UGGT2: variants seen among roughly 807,000 people sequenced by gnomAD.
UGGT2 encodes the protein UDP-glucose glycoprotein glucosyltransferase 2, also known as UDP-glucose:glycoprotein glucosyltransferase 2.
A neutral mutation model predicts 192.1 loss-of-function variants in UGGT2; 180 were observed. The observed-to-expected ratio is 0.94, with a 90% CI of 0.83 to 1.06. UGGT2 has a LOEUF of 1.06. Ranked by LOEUF, UGGT2 falls within the 50% of genes least tolerant of loss-of-function variation. The pLI is 0.00. For missense variants in UGGT2, 1,849 were observed against 1,795.7 expected (o/e 1.03, Z -0.54); for synonymous variants, 580 against 591.0 (o/e 0.98, Z 0.27).
chr13:95,803,258 T>C (rs564131453), intron 38 of UGGT2, among the ~76,000 whole-genome samples: 80 of 151,806 alleles, frequency 5.3e-4, no homozygotes, highest in African/African-American at 1.9e-3. Flanking sequence ...AGGTTTTTGG[T>C]TTATTTATTT....
At chr13:95,861,577 A>C (rs550088713) in intron 31 of UGGT2, among the ~76,000 whole-genome samples, 1 of 152,300 alleles carries the variant, frequency 6.6e-6, no homozygotes, top group South Asian at 2.1e-4. Context: ...TTCATATATA[A>C]AAATGACTGA....
intron 5 of UGGT2, among the ~76,000 whole-genome samples, chr13:96,008,483 A>G (rs1594562703): frequency 1.3e-5 from 2 of 152,204 alleles, no homozygotes; most frequent in Admixed American, 6.5e-5. Context: ...AGACAATCCC[A>G]TAGTCTCTGC....
intron 4 of UGGT2, 148 bp downstream of exon 4, chr13:96,022,892 C>T: frequency 2.3e-6 from 1 of 440,306 alleles, no homozygotes. Flanking sequence ...ACAAAACATT[C>T]TCAGATATAT....
chr13:95,961,732 G>A (rs1594446604), intron 12 of UGGT2, among the ~76,000 whole-genome samples: 1 of 152,082 alleles, frequency 6.6e-6, no homozygotes. Flanking sequence ...TACATTTGAT[G>A]AAATAGACTT....
rs568965449 is a variant in UGGT2 at position 95,949,531 on chromosome 13, G to A, written c.1336-77C>T. 1.7e-4 allele frequency: 217 copies of A among 1,281,630 alleles called. No homozygotes were observed. In the African/African-American group the frequency reaches 2.6e-3, roughly 16 times the overall value. The allele number at this position is 1,281,630 out of a possible 1,614,324, so 79.4% of individuals were successfully genotyped here. On this transcript the variant is annotated intron_variant, in intron 12 of 38. Transcript: ENST00000376747. ...TTCAAAGCCAGATTTTTACTATATC[G>A]TGATAAATAAAAATATACATAGAAT...
rs1416899724 is a variant in UGGT2 at position 95,986,546 on chromosome 13, A to G, written c.932-114T>C. On this transcript the variant is annotated intron_variant, in intron 8 of 38. Coordinates refer to ENST00000376747, the MANE Select transcript of UGGT2 (RefSeq NM_020121.4). ...TCTTGCCAAGTATTAGTATACAAACATGTTAATACTGTTACATCTGCATTT... is the reference window on the plus strand; with the variant it reads ...TCTTGCCAAGTATTAGTATACAAACGTGTTAATACTGTTACATCTGCATTT... 4.6e-6 allele frequency: 3 copies of G among 656,760 alleles called. No homozygotes were observed. The South Asian group carries it at 6.6e-5, about 14-fold the overall frequency. 40.7% of individuals were successfully genotyped at this position (656,760 alleles called of 1,614,324 possible). A position where few individuals can be genotyped will look rare whatever the true frequency, so the allele number is the denominator to read the frequency against.
chr13:96,029,186 C>G (rs2052756335), intron 2 of UGGT2, among the ~76,000 whole-genome samples: 2 of 152,132 alleles, frequency 1.3e-5, no homozygotes, highest in African/African-American at 2.4e-5. Context: ...CTCATTTGTA[C>G]CATTCTTTTC....
At chr13:95,902,159 C>CA (rs2048121701) in intron 21 of UGGT2, among the ~76,000 whole-genome samples, 1 of 152,108 alleles carries the variant, frequency 6.6e-6, no homozygotes, top group African/African-American at 2.4e-5. Context: ...AATTTATTGT[C>CA]ATTAATCTCA....
At chr13:95,915,930 C>T (rs1178463976) in intron 20 of UGGT2, among the ~76,000 whole-genome samples, 1 of 152,186 alleles carries the variant, frequency 6.6e-6, no homozygotes. Context: ...GTGGGAGAAG[C>T]GGCTACCATC....
At chr13:95,995,987 C>T (rs1208026206) in intron 7 of UGGT2, 76 bp downstream of exon 7, 2 of 1,286,230 alleles carry the variant, frequency 1.6e-6, no homozygotes, top group Non-Finnish European at 2.2e-6. Flanking sequence ...AAGCATATGG[C>T]AAAACAGTAT....
intron 9 of UGGT2, among the ~76,000 whole-genome samples, chr13:95,985,503 C>T (rs1014822935): frequency 2.0e-5 from 3 of 152,020 alleles, no homozygotes; most frequent in Admixed American, 6.6e-5. Context: ...GTGTTTGGGA[C>T]AATAAGAGGC....
chr13:95,974,281 T>C (rs2050868985), intron 10 of UGGT2, among the ~76,000 whole-genome samples: 1 of 152,254 alleles, frequency 6.6e-6, no homozygotes, highest in Non-Finnish European at 1.5e-5. Flanking sequence ...GAAATCCATA[T>C]TCCAACTTCA....
At chr13:96,053,022 T>C (rs2053531506) in intron 1 of UGGT2, 133 bp downstream of exon 1, 1 of 1,243,408 alleles carries the variant, frequency 8.0e-7, no homozygotes, top group Non-Finnish European at 1.0e-6. Context: ...GAGGTGGTGA[T>C]GCTCAGGGCC....
intron 15 of UGGT2, among the ~76,000 whole-genome samples, chr13:95,941,441 G>A (rs2049676941): frequency 6.6e-6 from 1 of 151,864 alleles, no homozygotes; most frequent in Non-Finnish European, 1.5e-5. Context: ...TTCAATTTAG[G>A]GGCAACTTTT....
chr13:95,923,607 G>A (rs970641396), intron 20 of UGGT2, among the ~76,000 whole-genome samples: 1 of 152,026 alleles, frequency 6.6e-6, no homozygotes, highest in Non-Finnish European at 1.5e-5. Context: ...AATAAGATAA[G>A]CTACACATTC....
intron 15 of UGGT2, among the ~76,000 whole-genome samples, chr13:95,945,531 C>G (rs578099536): frequency 6.6e-6 from 1 of 152,058 alleles, no homozygotes; most frequent in East Asian, 1.9e-4. Flanking sequence ...TAGATTAATG[C>G]CATCACATGT....
chr13:96,021,784 AG>A (rs1330191318), intron 4 of UGGT2, among the ~76,000 whole-genome samples: 1 of 152,220 alleles, frequency 6.6e-6, no homozygotes, highest in Non-Finnish European at 1.5e-5. Flanking sequence ...GATAAAATAA[AG>A]CAATTATTTC....
At chr13:95,904,593 A>G (rs1197657416) in intron 20 of UGGT2, among the ~76,000 whole-genome samples, 3 of 151,446 alleles carry the variant, frequency 2.0e-5, no homozygotes, top group South Asian at 2.1e-4. Flanking sequence ...ATGTTTCCCA[A>G]TTTCATCCAT....
chr13:95,881,944 C>T (rs1194775563), intron 27 of UGGT2, among the ~76,000 whole-genome samples: 1 of 151,424 alleles, frequency 6.6e-6, no homozygotes, highest in Admixed American at 6.6e-5. Flanking sequence ...AATCTCGCTC[C>T]GTCACCCAGG....
Sources: gnomAD v4.1 joint callset for allele counts (sites outside exome capture counted in the v4.1 genomes callset) on GRCh38, gnomAD v4.1.1 for gene constraint, MANE v1.5 for transcripts, NCBI Gene and HGNC (gene_info 2026-07-23, HGNC 2026-07-21) for gene names.